Variants in BMS1 observed in about 807,000 individuals in gnomAD.
The protein encoded by BMS1 is ribosome biogenesis protein BMS1 homolog.
In BMS1, 53 loss-of-function variants were observed where a neutral mutation model predicts 138.7. The ratio of observed to expected loss-of-function variants is 0.38; its 90% CI spans 0.31 to 0.48. BMS1 has a LOEUF of 0.48. BMS1 is among the 20% of genes least tolerant of loss of function. BMS1 has a pLI of 0.97. For synonymous variants in BMS1, 504 were observed against 539.9 expected (o/e 0.93, Z 0.92); for missense variants, 1,360 against 1,565.5 (o/e 0.87, Z 2.22).
chr10:42,813,816 A>C (rs1449857334), intron 13 of BMS1, among the ~76,000 whole-genome samples: 1 of 152,182 alleles, frequency 6.6e-6, no homozygotes, highest in Non-Finnish European at 1.5e-5. Flanking sequence ...CCAGAGACAA[A>C]TTCCTATATT....
At chr10:42,829,679 G>A (rs1204284652) in intron 21 of BMS1, among the ~76,000 whole-genome samples, 4 of 151,516 alleles carry the variant, frequency 2.6e-5, no homozygotes, top group Non-Finnish European at 2.9e-5. Context: ...AAAATTAGCC[G>A]GGCGTGGTGG....
At chr10:42,816,565 C>T (rs1345820195) in intron 13 of BMS1, 34 bp from the exon 14 acceptor site, 1 of 1,577,882 alleles carries the variant, frequency 6.3e-7, no homozygotes, top group Non-Finnish European at 8.6e-7. Context: ...GCATACCTGG[C>T]TCACAGAGCA....
In BMS1 at chr10:42,823,005, C is replaced by T. The variant is rs1318963907; in HGVS notation, c.3133-113C>T. 4.5e-6 allele frequency: 5 copies of T among 1,110,784 alleles called. No individual in the cohort carries two copies. The Admixed American group carries it at 8.9e-5, about 20-fold the overall frequency. The allele number at this position is 1,110,784 out of a possible 1,614,324, so 68.8% of individuals were successfully genotyped here. ...CGAATACATTTTGTTTATTTTATCA[C>T]CCTTCAGTGAGTTGTTTTTGTTCTT... On this transcript the variant is annotated intron_variant, in intron 19 of 22. Transcript: ENST00000374518.
intron 21 of BMS1, among the ~76,000 whole-genome samples, chr10:42,825,058 T>C (rs1474794304): frequency 1.3e-5 from 2 of 152,120 alleles, no homozygotes; most frequent in African/African-American, 2.4e-5. Flanking sequence ...GCCCAAGCTG[T>C]AGTGCAGTGG....
Position 42,822,080 on chromosome 10 carries a change from G to A in BMS1, c.3028G>A (p.Ala1010Thr), listed in dbSNP as rs766057729. 1.8e-5 allele frequency: 29 copies of A among 1,593,784 alleles called. No individual in the cohort carries two copies. Among genetic ancestry groups the A allele is most frequent in the Non-Finnish European group, 1.4e-5 (17 of 1,177,636 alleles). The change falls in exon 19 of 23, where the codon GCT (alanine) becomes ACT (threonine). Residue 1010 changes from alanine (A) to threonine (T), a missense_variant. Coordinates refer to ENST00000374518, the MANE Select transcript of BMS1 (RefSeq NM_014753.4). Reference sequence around the variant, plus strand: ...CTGTTAGCCTGATTTTCGGATAGCTGCTACAGGAGTTGTCCTTGATCTGGA... The same window carrying A: ...CTGTTAGCCTGATTTTCGGATAGCTACTACAGGAGTTGTCCTTGATCTGGA... ...SGIMPDFRIAATGVVLDLDKS... is the reference protein window; with the variant it reads ...SGIMPDFRIATTGVVLDLDKS...
At position 42,784,352 on chromosome 10, in the gene BMS1, T is replaced by C. The variant is rs2132287081; in HGVS notation, c.-33-10T>C. ...CTCCCATCTCCTTACCCCAACCTTC[T>C]TCCTTGTAGGTTAGAGTTACTTGTT... On this transcript the variant is annotated splice_polypyrimidine_tract_variant and intron_variant, in intron 1 of 22. Coordinates refer to ENST00000374518, the MANE Select transcript of BMS1 (RefSeq NM_014753.4). 1 of 1,536,050 alleles carries C rather than the reference T, an allele frequency of 6.5e-7. No homozygotes were observed. Among genetic ancestry groups the C allele is most frequent in the East Asian group, 2.3e-5 (1 of 44,096 alleles).
At chr10:42,784,689 C>G (rs747747562) in intron 2 of BMS1, 119 bp downstream of exon 2, 20 of 1,206,486 alleles carry the variant, frequency 1.7e-5, no homozygotes, top group Admixed American at 2.7e-5. Context: ...CATGGAGATT[C>G]ATGGTGTGTG....
rs1368104689 is a variant in BMS1, at chr10:42,833,570, G to C, written c.*2474G>C. Reference sequence around the variant, plus strand: ...GACTACTGTAGGCAGTTGTAACACAGTGGTAAACATTTGTGTATCGAAACA... The same window carrying C: ...GACTACTGTAGGCAGTTGTAACACACTGGTAAACATTTGTGTATCGAAACA... On this transcript the variant is annotated 3_prime_UTR_variant, in exon 23 of 23. Transcript: ENST00000374518. 2 of 152,226 alleles carry C rather than the reference G, an allele frequency of 1.3e-5. No homozygotes were observed. Among genetic ancestry groups the C allele is most frequent in the African/African-American group, 4.8e-5 (2 of 41,462 alleles). 9.4% of individuals were successfully genotyped at this position (152,226 alleles called of 1,614,324 possible). A position where few individuals can be genotyped will look rare whatever the true frequency, so the allele number is the denominator to read the frequency against.
At chr10:42,794,151 A>G (rs1841600850) in intron 9 of BMS1, among the ~76,000 whole-genome samples, 160 bp downstream of exon 9, 3 of 152,288 alleles carry the variant, frequency 2.0e-5, no homozygotes, top group Middle Eastern at 3.4e-3. Context: ...CACTTACCTG[A>G]CATTACAAGG....
At chr10:42,790,273 G>C (rs1482018640) in intron 4 of BMS1, 50 bp from the exon 5 acceptor site, 1 of 1,594,878 alleles carries the variant, frequency 6.3e-7, no homozygotes, top group Non-Finnish European at 8.6e-7. Context: ...CCTTAGTGTA[G>C]GTGGTCTGTT....
chr10:42,795,985 C>G (rs1841671973), intron 9 of BMS1, among the ~76,000 whole-genome samples: 1 of 152,210 alleles, frequency 6.6e-6, no homozygotes, highest in African/African-American at 2.4e-5. Flanking sequence ...GATTTGGCTG[C>G]AGGAGCCTTC....
At chr10:42,804,280 G>A (rs1252551620) in intron 13 of BMS1, among the ~76,000 whole-genome samples, 1 of 152,132 alleles carries the variant, frequency 6.6e-6, no homozygotes, top group Non-Finnish European at 1.5e-5. Flanking sequence ...TCATATGATA[G>A]GTACACATTT....
rs1475815934 is a variant in BMS1 at position 42,831,323 on chromosome 10, T to C, written c.*227T>C. On this transcript the variant is annotated 3_prime_UTR_variant, in exon 23 of 23. Coordinates refer to ENST00000374518, the MANE Select transcript of BMS1 (RefSeq NM_014753.4). ...TAAAGTGATGTAAGCTGTGGTTATG[T>C]GGATTCTCTTACTTTCCTCTGCCTG... 8 of 481,888 alleles carry C rather than the reference T, an allele frequency of 1.7e-5. No individual in the cohort carries two copies. The highest frequency in any genetic ancestry group is 1.1e-5 in the Non-Finnish European group (3 of 271,158). The allele number at this position is 481,888 out of a possible 1,614,324, so 29.9% of individuals were successfully genotyped here. A position where few individuals can be genotyped will look rare whatever the true frequency, so the allele number is the denominator to read the frequency against.
chr10:42,826,362 A>G (rs1842645422), intron 21 of BMS1, among the ~76,000 whole-genome samples: 1 of 151,934 alleles, frequency 6.6e-6, no homozygotes, highest in Admixed American at 6.6e-5. Flanking sequence ...ATTTTTGCGA[A>G]GAGTTTAAGA....
chr10:42,797,498 C>A lies in BMS1; in HGVS notation c.2064C>A (p.Asn688Lys), dbSNP rs1841727622. ...TGAGGCAGCAGCAAGCAGCTCCAAACCTCCGAAAGCTTATTTATGGGACAG... is the reference window on the plus strand; with the variant it reads ...TGAGGCAGCAGCAAGCAGCTCCAAAACTCCGAAAGCTTATTTATGGGACAG... ...AFLRQQQAAPNLRKLIYGTVT... is the reference protein window; with the variant it reads ...AFLRQQQAAPKLRKLIYGTVT... Residue 688 changes from asparagine to lysine, a missense_variant, in exon 11 of 23, where the codon AAC becomes AAA. Asn to Lys is a moderately conservative substitution (Grantham distance 94). Transcript: ENST00000374518. 6.2e-7 allele frequency: 1 copy of A among 1,614,062 alleles called. No homozygotes were observed. Among genetic ancestry groups the A allele is most frequent in the Non-Finnish European group, 8.5e-7 (1 of 1,180,032 alleles).
chr10:42,799,174 T>C (rs1342246892), intron 12 of BMS1, among the ~76,000 whole-genome samples: 2 of 152,140 alleles, frequency 1.3e-5, no homozygotes, highest in Non-Finnish European at 2.9e-5. Context: ...GTGGCACAAG[T>C]GTATGGCTCA....
At chr10:42,821,542 CTTTTTTTTTT>C (rs34272995) in intron 18 of BMS1, among the ~76,000 whole-genome samples, 1,099 of 68,640 alleles carry the variant, frequency 0.016, 12 homozygotes, top group African/African-American at 0.063. Flanking sequence ...CTCAAGGCGC[CTTTTTTTTTT>C]TTTTTTTTTT....
chr10:42,801,962 CTG>C (rs1425105834), intron 12 of BMS1, among the ~76,000 whole-genome samples, 173 bp from the exon 13 acceptor site: 1 of 152,088 alleles, frequency 6.6e-6, no homozygotes, highest in Non-Finnish European at 1.5e-5. Flanking sequence ...TGTTTTATCT[CTG>C]TGGTTATACT....
chr10:42,798,701 T>C (rs1247134617), intron 12 of BMS1, 76 bp downstream of exon 12: 1 of 1,564,800 alleles, frequency 6.4e-7, no homozygotes, highest in Non-Finnish European at 8.7e-7. Flanking sequence ...GATGTCAATA[T>C]TGCTTACCTG....
Sources: allele counts gnomAD v4.1 joint callset (sites outside exome capture counted in the v4.1 genomes callset), GRCh38; gene constraint gnomAD v4.1.1; transcripts MANE v1.5; gene names NCBI Gene and HGNC (gene_info 2026-07-23, HGNC 2026-07-21).